HIKESHI: variants seen among roughly 807,000 people sequenced by gnomAD.
HIKESHI encodes heat shock protein nuclear import factor hikeshi, also known as protein Hikeshi.
Under a neutral mutation model 25.7 loss-of-function variants are expected in HIKESHI, and 13 were observed. The observed-to-expected ratio is 0.51, with a 90% confidence interval of 0.33 to 0.80. The LOEUF (loss-of-function observed/expected upper bound fraction) is 0.80, where lower values mean the gene tolerates loss of function less well. HIKESHI is among the 30% of genes least tolerant of loss of function. The probability of loss-of-function intolerance (pLI) is 0.02; values close to 1 mark genes in which losing one functional copy is unlikely to be tolerated. For synonymous variants in HIKESHI, 76 were observed against 78.7 expected, an observed-to-expected ratio of 0.97 and a Z score of 0.18; for missense variants, 174 against 229.5, an observed-to-expected ratio of 0.76 and a Z score of 1.56.
intron 3 of HIKESHI, among the ~76,000 whole-genome samples, chr11:86,339,629 G>A (rs1947667285): frequency 6.6e-6 from 1 of 152,032 alleles, no homozygotes; most frequent in Non-Finnish European, 1.5e-5. Context: ...AAAAATTCCT[G>A]TGTATCCACA....
At chr11:86,313,638 T>C (rs1946894176) in intron 2 of HIKESHI, among the ~76,000 whole-genome samples, 2 of 152,240 alleles carry the variant, frequency 1.3e-5, no homozygotes, top group South Asian at 4.1e-4. Context: ...GTATCTGTTA[T>C]GGGGATATAA....
chr11:86,313,057 A>C (rs1055186454), intron 2 of HIKESHI, among the ~76,000 whole-genome samples: 1 of 151,760 alleles, frequency 6.6e-6, no homozygotes. Flanking sequence ...CTTCTCGAGG[A>C]GTATCTTTGT....
At chr11:86,322,349 C>T (rs867257807) in intron 2 of HIKESHI, among the ~76,000 whole-genome samples, 34 of 151,828 alleles carry the variant, frequency 2.2e-4, no homozygotes, top group Admixed American at 1.8e-3. Flanking sequence ...ATATCCAAAT[C>T]GTTTACATGT....
intron 2 of HIKESHI, among the ~76,000 whole-genome samples, chr11:86,307,204 C>T: frequency 3.0e-5 from 2 of 65,970 alleles, no homozygotes; most frequent in African/African-American, 6.1e-5. Context: ...TAATATACAT[C>T]ATATATCAAA....
At chr11:86,337,565 C>A (rs764662905) in intron 3 of HIKESHI, 35 bp downstream of exon 3, 1 of 1,592,856 alleles carries the variant, frequency 6.3e-7, no homozygotes, top group South Asian at 1.1e-5. Flanking sequence ...TTACCTCCCC[C>A]TCCACTGCTT....
At chr11:86,318,260 C>T (rs920588633) in intron 2 of HIKESHI, among the ~76,000 whole-genome samples, 6 of 114,334 alleles carry the variant, frequency 5.2e-5, no homozygotes, top group African/African-American at 1.3e-4. Context: ...GCCAGGATCG[C>T]GCCATTGCAC....
Position 86,337,238 on chromosome 11 carries a change from G to A in HIKESHI, c.269-141G>A, listed in dbSNP as rs539021110. On this transcript the variant is annotated intron_variant, in intron 2 of 4. Coordinates refer to ENST00000278483, the MANE Select transcript of HIKESHI (RefSeq NM_016401.4). ...TATGCTAAAAACGAAGTAGGCTTTT[G>A]CATTTATCTGAAAAGAGGGACAAAC... 5.5e-6 allele frequency: 4 copies of A among 728,112 alleles called. No individual in the cohort carries two copies. In the South Asian group the frequency reaches 8.2e-5, roughly 15 times the overall value. 45.1% of individuals were successfully genotyped at this position (728,112 alleles called of 1,614,324 possible).
At chr11:86,328,243 AAAC>A (rs1345776148) in intron 2 of HIKESHI, among the ~76,000 whole-genome samples, 2 of 152,196 alleles carry the variant, frequency 1.3e-5, no homozygotes, top group South Asian at 4.2e-4. Context: ...TTTAAGGAGA[AAAC>A]AACATTTACA....
At chr11:86,311,661 A>G (rs192810228) in intron 2 of HIKESHI, among the ~76,000 whole-genome samples, 6 of 152,242 alleles carry the variant, frequency 3.9e-5, no homozygotes, top group Admixed American at 1.3e-4. Flanking sequence ...TAGGGTGTCA[A>G]TTGTAGATCT....
At position 86,308,297 on chromosome 11, in the gene HIKESHI, T is replaced by TGA. The variant is rs561017220; in HGVS notation, c.268+1815_268+1816insGA. On this transcript the variant is annotated intron_variant, in intron 2 of 4. Coordinates refer to ENST00000278483, the MANE Select transcript of HIKESHI (RefSeq NM_016401.4). ...TTATATATAAAATATATATTACATA[T>TGA]AATATATATTATATATAAAATATAT... Among the ~76,000 whole-genome samples, 9 of 52,380 alleles carry TGA rather than the reference T, an allele frequency of 1.7e-4. 1 individual carries two copies. Among genetic ancestry groups the TGA allele is most frequent in the African/African-American group, 6.9e-4 (9 of 13,136 alleles). 34.4% of individuals were successfully genotyped at this position (52,380 alleles called of 152,430 possible).
At chr11:86,302,539 G>T in intron 1 of HIKESHI, 61 bp downstream of exon 1, 2 of 1,526,252 alleles carry the variant, frequency 1.3e-6, no homozygotes, top group Non-Finnish European at 8.9e-7. Context: ...AAGCCCTACG[G>T]CAGGGAGGGT....
chr11:86,318,638 T>C (rs555901481), intron 2 of HIKESHI, among the ~76,000 whole-genome samples: 29 of 152,068 alleles, frequency 1.9e-4, no homozygotes, highest in Non-Finnish European at 4.0e-4. Flanking sequence ...ACAAAGTAAA[T>C]TGAAGTTATT....
rs1287846749 is a variant in HIKESHI at position 86,306,311 on chromosome 11, A to G, written c.97A>G (p.Ile33Val). ...FVFDLPDYES[I>V]NHVVVFMLGT... The stretch of plus-strand genomic sequence containing the variant: ...TTTTGACTTACCTGATTATGAAAGT[A>G]TCAACCATGTTGTGGTTTTTATGCT... Residue 33 changes from isoleucine (I) to valine (V), a missense_variant, in exon 2 of 5, where the codon ATC becomes GTC. Coordinates refer to ENST00000278483, the MANE Select transcript of HIKESHI (RefSeq NM_016401.4). 7.4e-6 allele frequency: 12 copies of G among 1,614,154 alleles called. No homozygotes were observed. The highest frequency in any genetic ancestry group is 3.3e-5 in the Admixed American group (2 of 60,022).
chr11:86,319,242 A>ATTT lies in HIKESHI; in HGVS notation c.268+12772_268+12774dup, dbSNP rs1218981419. 1.7e-3 allele frequency among the ~76,000 whole-genome samples: 163 copies of ATTT among 94,936 alleles called. 2 individuals carry two copies. Among genetic ancestry groups the ATTT allele is most frequent in the Admixed American group, 4.1e-3 (29 of 7,064 alleles). 62.3% of individuals were successfully genotyped at this position (94,936 alleles called of 152,430 possible). On this transcript the variant is annotated intron_variant, in intron 2 of 4. Transcript: ENST00000278483. ...AATATATATATATATATATATATAT[A>ATTT]TTTTTTTTTTTTTTGAGACCAGTCT...
intron 2 of HIKESHI, among the ~76,000 whole-genome samples, chr11:86,310,263 C>T (rs1376465833): frequency 3.3e-5 from 5 of 149,604 alleles, no homozygotes; most frequent in Admixed American, 6.7e-5. Context: ...TTCTAGTTCT[C>T]CTTGAAGAGA....
chr11:86,336,742 A>C (rs1158466345), intron 2 of HIKESHI, among the ~76,000 whole-genome samples: 1 of 152,236 alleles, frequency 6.6e-6, no homozygotes, highest in Non-Finnish European at 1.5e-5. Flanking sequence ...TAAGAAGCTC[A>C]AGAAACTCCA....
chr11:86,317,369 AT>A (rs1306449628), intron 2 of HIKESHI, among the ~76,000 whole-genome samples: 2 of 152,144 alleles, frequency 1.3e-5, no homozygotes, highest in Admixed American at 1.3e-4. Flanking sequence ...TGATCTAAGT[AT>A]TTAACATAAG....
At chr11:86,331,256 G>A (rs187689533) in intron 2 of HIKESHI, among the ~76,000 whole-genome samples, 9 of 152,156 alleles carry the variant, frequency 5.9e-5, no homozygotes, top group African/African-American at 1.7e-4. Flanking sequence ...TTGGGAGGCC[G>A]AGGCGGGCGC....
chr11:86,315,705 C>T (rs1215446489), intron 2 of HIKESHI, among the ~76,000 whole-genome samples: 1 of 94,554 alleles, frequency 1.1e-5, no homozygotes, highest in East Asian at 3.6e-4. Flanking sequence ...GAAAGAACTA[C>T]TTACCGGAGG....
Sources: gnomAD v4.1 joint callset for allele counts (sites outside exome capture counted in the v4.1 genomes callset) on GRCh38, gnomAD v4.1.1 for gene constraint, MANE v1.5 for transcripts, NCBI Gene and HGNC (gene_info 2026-07-23, HGNC 2026-07-21) for gene names.